The following UBTF variants were observed in gnomAD, a reference collection of about 807,000 sequenced individuals.
UBTF encodes the protein upstream binding transcription factor.
Under a neutral mutation model 112.3 loss-of-function variants are expected in UBTF, and 8 were observed. The ratio of observed to expected loss-of-function variants is 0.07; its 90% confidence interval spans 0.04 to 0.13. The LOEUF (loss-of-function observed/expected upper bound fraction) is 0.13, where lower values mean the gene tolerates loss of function less well. UBTF is among the 10% of genes least tolerant of loss of function. The probability of loss-of-function intolerance (pLI) is 1.00; values close to 1 mark genes in which losing one functional copy is unlikely to be tolerated. For missense variants in UBTF, 457 were observed against 982.1 expected, an observed-to-expected ratio of 0.47 and a Z score of 7.15; for synonymous variants, 417 against 373.1, an observed-to-expected ratio of 1.12 and a Z score of -1.36.
rs963375767 is a variant in UBTF at position 44,211,522 on chromosome 17, G to A, written c.1047+84C>T. 58 of 1,565,664 alleles carry A rather than the reference G, an allele frequency of 3.7e-5. No individual in the cohort carries two copies. The African/African-American group carries it at 4.4e-4, about 12-fold the overall frequency. On this transcript the variant is annotated intron_variant, in intron 10 of 20. Coordinates refer to ENST00000436088, the MANE Select transcript of UBTF (RefSeq NM_014233.4). The surrounding 1 kb of genome is among the most constrained non-coding windows in gnomAD (Gnocchi z 4.9). The stretch of plus-strand genomic sequence containing the variant: ...TTGGAGGCAGGTACCCAAGGCACAC[G>A]CCACCAGGGACTGACTGGCCCAAGA...
chr17:44,210,402 T>C lies in UBTF; in HGVS notation c.1431A>G (p.Glu477=). 1 of 1,614,104 alleles carries C rather than the reference T, an allele frequency of 6.2e-7. No homozygotes were observed. Among genetic ancestry groups the C allele is most frequent in the Non-Finnish European group, 8.5e-7 (1 of 1,180,006 alleles). ...SERKPGGERE[E]RGKLPESPKR... ...TGGGGGACTCGGGCAGCTTGCCCCG[T>C]TCCTCGCGCTCCCCGCCGGGCTTCC... The change falls in exon 14 of 21, where the codon GAA becomes GAG. Residue 477 remains glutamate, a synonymous_variant. Transcript: ENST00000436088.
rs1442911370 is a variant in UBTF at position 44,210,828 on chromosome 17, C to T, written c.1323G>A (p.Leu441=). 6.4e-7 allele frequency: 1 copy of T among 1,569,490 alleles called. No individual in the cohort carries two copies. The highest frequency in any genetic ancestry group is 8.6e-7 in the Non-Finnish European group (1 of 1,156,372). The part of the protein sequence containing the change: ...ELSESELTRL[L]ARMWNDLSEK... ...CAGACAGGTCGTTCCACATTCGGGCCAGCAGGCGGGTCAGCTCGCTCTCGG... is the reference window on the plus strand; with the variant it reads ...CAGACAGGTCGTTCCACATTCGGGCTAGCAGGCGGGTCAGCTCGCTCTCGG... Residue 441 remains leucine, a synonymous_variant, in exon 13 of 21, where the codon CTG becomes CTA. Transcript: ENST00000436088.
Position 44,211,764 on chromosome 17 carries a change from G to C in UBTF, c.906-17C>G, listed in dbSNP as rs544517195. On this transcript the variant is annotated splice_polypyrimidine_tract_variant and intron_variant, in intron 9 of 20. Coordinates refer to ENST00000436088, the MANE Select transcript of UBTF (RefSeq NM_014233.4). This position sits in a 1 kb window ranked among gnomAD's most constrained non-coding sequence, Gnocchi z 4.9. ...TAGCTGTTCCTATCAGAGCCGCGGGGAGAGAGGTGCAGCCCGTAAGCGAGC... is the reference window on the plus strand; with the variant it reads ...TAGCTGTTCCTATCAGAGCCGCGGGCAGAGAGGTGCAGCCCGTAAGCGAGC... 6 of 1,603,382 alleles carry C rather than the reference G, an allele frequency of 3.7e-6. No individual in the cohort carries two copies. Among genetic ancestry groups the C allele is most frequent in the Middle Eastern group, 1.7e-4 (1 of 6,054 alleles).
rs57107684 is a variant in UBTF, at chr17:44,208,092, ATTTT to A, written c.1906-185_1906-182del. The stretch of plus-strand genomic sequence containing the variant: ...CCTGGGATCTGAGAACACAGCTCTA[ATTTT>A]TTTTTTTTTTTTTTTTTTTTTTTTG... On this transcript the variant is annotated intron_variant, in intron 17 of 20. Coordinates refer to ENST00000436088, the MANE Select transcript of UBTF (RefSeq NM_014233.4). Among the ~76,000 whole-genome samples, 1,066 of 117,894 alleles carry A rather than the reference ATTTT, an allele frequency of 9.0e-3. 4 individuals carry two copies. Among genetic ancestry groups the A allele is most frequent in the Non-Finnish European group, 0.01 (585 of 57,202 alleles). The allele number at this position is 117,894 out of a possible 152,430, so 77.3% of individuals were successfully genotyped here. A position where few individuals can be genotyped will look rare whatever the true frequency, so the allele number is the denominator to read the frequency against.
At chr17:44,210,683 G>A (rs2056610227) in intron 13 of UBTF, 109 bp downstream of exon 13, 10 of 1,469,826 alleles carry the variant, frequency 6.8e-6, no homozygotes, top group African/African-American at 2.8e-5. Flanking sequence ...TCCCAGCCCA[G>A]GCACCGCGTG....
chr17:44,219,399 CCGTCCG>C (rs2047047953), intron 1 of UBTF, 40 bp downstream of exon 1: 3 of 151,714 alleles, frequency 2.0e-5, no homozygotes, highest in Admixed American at 1.3e-4. Flanking sequence ...TTCGCTCCCG[CCGTCCG>C]GCCCCGACCC....
intron 5 of UBTF, chr17:44,215,422 G>A: frequency 1.8e-6 from 1 of 552,188 alleles, no homozygotes; most frequent in Non-Finnish European, 3.2e-6. Flanking sequence ...TAGGGGGAAA[G>A]GTTGGTCTGA....
chr17:44,212,553 G>A (rs1037121685), intron 7 of UBTF, 99 bp from the exon 8 acceptor site: 2 of 1,072,346 alleles, frequency 1.9e-6, no homozygotes, highest in African/African-American at 3.2e-5. Flanking sequence ...CTCAGGCCAT[G>A]GGAGGTCACA....
Position 44,210,824 on chromosome 17 carries a change from G to A in UBTF, c.1327C>T (p.Arg443Ter), listed in dbSNP as rs1384670964. ...SESELTRLLA[R>*]MWNDLSEKKK... ...TTCTCAGACAGGTCGTTCCACATTCGGGCCAGCAGGCGGGTCAGCTCGCTC... is the reference window on the plus strand; with the variant it reads ...TTCTCAGACAGGTCGTTCCACATTCAGGCCAGCAGGCGGGTCAGCTCGCTC... The change falls in exon 13 of 21, where the codon CGA becomes TGA. Residue 443 changes from arginine to a stop codon, truncating the protein, a stop_gained. Transcript: ENST00000436088. LOFTEE classifies it high-confidence loss of function. 1 of 1,569,510 alleles carries A rather than the reference G, an allele frequency of 6.4e-7. No individual in the cohort carries two copies. The highest frequency in any genetic ancestry group is 1.9e-5 in the Admixed American group (1 of 53,706).
chr17:44,210,601 C>T (rs2056600655), intron 13 of UBTF, 128 bp from the exon 14 acceptor site: 1 of 1,394,778 alleles, frequency 7.2e-7, no homozygotes, highest in Non-Finnish European at 9.3e-7. Context: ...CCGCCTGGGG[C>T]TCGCCCCCGC....
At position 44,213,333 on chromosome 17, in the gene UBTF, T is replaced by A. The variant is rs778441937; in HGVS notation, c.475-51A>T. On this transcript the variant is annotated intron_variant, in intron 5 of 20. Coordinates refer to ENST00000436088, the MANE Select transcript of UBTF (RefSeq NM_014233.4). ...CTCAGGACCCAAGGGTATCTCACCC[T>A]GAGCTATGAAGGCCACCCAGACCCC... 4.4e-6 allele frequency: 7 copies of A among 1,584,924 alleles called. No homozygotes were observed. The South Asian group carries it at 7.9e-5, about 18-fold the overall frequency.
intron 1 of UBTF, among the ~76,000 whole-genome samples, chr17:44,218,799 A>G (rs2144559178): frequency 6.8e-6 from 1 of 147,968 alleles, no homozygotes; most frequent in East Asian, 2.1e-4. Context: ...GACGCAGCGC[A>G]GCCGCCGCCA....
chr17:44,220,534 G>C (rs1458259925), upstream of UBTF, among the ~76,000 whole-genome samples: 1 of 151,008 alleles, frequency 6.6e-6, no homozygotes, highest in Non-Finnish European at 1.5e-5. Flanking sequence ...TAAAACCTCT[G>C]CATTAAAAAA....
intron 5 of UBTF, among the ~76,000 whole-genome samples, chr17:44,214,136 G>C (rs1391443687): frequency 6.6e-6 from 1 of 152,046 alleles, no homozygotes; most frequent in Non-Finnish European, 1.5e-5. Flanking sequence ...TCATCCTCGC[G>C]GGCTCACAAG....
At chr17:44,210,586 G>A (rs1308089834) in intron 13 of UBTF, 113 bp from the exon 14 acceptor site, 46 of 1,411,486 alleles carry the variant, frequency 3.3e-5, no homozygotes, top group Non-Finnish European at 4.0e-5. Context: ...TGGTGCAGAT[G>A]TCTCCCGCCT....
At position 44,211,222 on chromosome 17, in the gene UBTF, G is replaced by A; in HGVS notation, c.1089+68C>T. 2 of 1,613,558 alleles carry A rather than the reference G, an allele frequency of 1.2e-6. No individual in the cohort carries two copies. Among genetic ancestry groups the A allele is most frequent in the Non-Finnish European group, 1.7e-6 (2 of 1,179,704 alleles). On this transcript the variant is annotated intron_variant, in intron 11 of 20. Transcript: ENST00000436088. This position sits in a 1 kb window ranked among gnomAD's most constrained non-coding sequence, Gnocchi z 4.9. ...ACTGCATGGTGCCCTATCTCCAGGG[G>A]CTCACCAGGGCTCTGCCTGCCAAGT...
chr17:44,217,729 A>C (rs1401801282), intron 2 of UBTF, among the ~76,000 whole-genome samples: 2 of 152,102 alleles, frequency 1.3e-5, no homozygotes, highest in Non-Finnish European at 2.9e-5. Context: ...TTGAGTACAT[A>C]TATCCCATGG....
chr17:44,220,504 T>TA (rs1281064034), upstream of UBTF, among the ~76,000 whole-genome samples: 4 of 103,758 alleles, frequency 3.9e-5, no homozygotes, highest in African/African-American at 3.7e-4. Context: ...CATACGAAAC[T>TA]TAAAAAAAAA....
intron 5 of UBTF, among the ~76,000 whole-genome samples, chr17:44,214,689 CAGCCAGGGTATGCCA>C (rs2144547417): frequency 6.6e-6 from 1 of 152,320 alleles, no homozygotes; most frequent in East Asian, 1.9e-4. Flanking sequence ...TGTGAGTCTG[CAGCCAGGGTATGCCA>C]ACCAGGAAAA....
Sources: gnomAD v4.1 joint callset for allele counts (sites outside exome capture counted in the v4.1 genomes callset) on GRCh38, gnomAD v4.1.1 for gene constraint, Gnocchi (gnomAD v3.1) non-coding constraint, MANE v1.5 for transcripts, NCBI Gene and HGNC (gene_info 2026-07-23, HGNC 2026-07-21) for gene names.